Variants in SLC22A24 observed in about 807,000 individuals in gnomAD.
SLC22A24 encodes the protein solute carrier family 22 member 24, also known as steroid transmembrane transporter SLC22A24.
SLC22A24 carries 53 observed loss-of-function variants against 49.8 expected under a neutral mutation model. The ratio of observed to expected loss-of-function variants is 1.06; its 90% CI spans 0.85 to 1.34. The LOEUF is 1.34. Ranked by LOEUF, SLC22A24 falls within the 40% of genes most tolerant of loss-of-function variation. The pLI, the probability that SLC22A24 is intolerant of heterozygous loss-of-function variation, is 0.00. For missense variants in SLC22A24, 786 were observed against 675.9 expected, an observed-to-expected ratio of 1.16 and a Z score of -1.81; for synonymous variants, 302 against 256.4, an observed-to-expected ratio of 1.18 and a Z score of -1.70.
intron 4 of SLC22A24, among the ~76,000 whole-genome samples, chr11:63,106,081 C>T (rs1453576443): frequency 7.8e-6 from 1 of 128,540 alleles, no homozygotes; most frequent in Non-Finnish European, 1.6e-5. Context: ...TCCCTCCCCC[C>T]TCCCCCCACC....
intron 5 of SLC22A24, among the ~76,000 whole-genome samples, chr11:63,099,222 C>T (rs2087074833): frequency 6.6e-6 from 1 of 151,742 alleles, no homozygotes; most frequent in African/African-American, 2.4e-5. Context: ...TTTTGAGTTG[C>T]TGTCTCACTG....
chr11:63,115,290 T>C (rs4963365), intron 4 of SLC22A24, among the ~76,000 whole-genome samples: 120,516 of 152,144 alleles, frequency 0.79, 48,936 homozygotes, highest in East Asian at 0.9. Flanking sequence ...CCTCCCCCCA[T>C]GAGGCTACTG....
chr11:63,087,594 A>G (rs536266635), intron 6 of SLC22A24, among the ~76,000 whole-genome samples: 1 of 152,310 alleles, frequency 6.6e-6, no homozygotes, highest in Non-Finnish European at 1.5e-5. Context: ...CCTCCCCTGG[A>G]AAAGGGGCTG....
intron 6 of SLC22A24, among the ~76,000 whole-genome samples, chr11:63,093,954 G>A (rs186166882): frequency 1.4e-3 from 203 of 148,054 alleles, no homozygotes; most frequent in African/African-American, 4.9e-3. Context: ...GGCAAAATAT[G>A]GAACAACCAA....
chr11:63,142,182 G>T (rs1349122059), intron 1 of SLC22A24, among the ~76,000 whole-genome samples: 1 of 152,162 alleles, frequency 6.6e-6, no homozygotes, highest in Non-Finnish European at 1.5e-5. Flanking sequence ...AGGCCTGCAT[G>T]AATACACTCA....
chr11:63,084,960 G>C (rs1050489760), intron 6 of SLC22A24, among the ~76,000 whole-genome samples: 1 of 149,802 alleles, frequency 6.7e-6, no homozygotes, highest in African/African-American at 2.5e-5. Flanking sequence ...TTTTATTACT[G>C]AGAAGGAGAG....
At chr11:63,125,120 A>C (rs78315854) in intron 2 of SLC22A24, among the ~76,000 whole-genome samples, 1 of 121,318 alleles carries the variant, frequency 8.2e-6, no homozygotes, top group East Asian at 2.7e-4. Context: ...AAAATAAAAA[A>C]AAACAAAAAA....
intron 2 of SLC22A24, among the ~76,000 whole-genome samples, chr11:63,119,909 T>A (rs2134667265): frequency 6.6e-6 from 1 of 152,268 alleles, no homozygotes; most frequent in East Asian, 1.9e-4. Flanking sequence ...TTTGGCTGCA[T>A]AAATGTCTTC....
At position 63,143,850 on chromosome 11, in the gene SLC22A24, G is replaced by T; in HGVS notation, c.-71C>A. 1.6e-6 allele frequency: 2 copies of T among 1,239,558 alleles called. No homozygotes were observed. The highest frequency in any genetic ancestry group is 2.1e-6 in the Non-Finnish European group (2 of 973,156). The allele number at this position is 1,239,558 out of a possible 1,614,324, so 76.8% of individuals were successfully genotyped here. A position where few individuals can be genotyped will look rare whatever the true frequency, so the allele number is the denominator to read the frequency against. ...GAAGAGAAGTTCAGAGGGAGAAAAT[G>T]TCCCCTTTCACAAAGTTACCATAGT... is the stretch of plus-strand genomic sequence containing the variant. On this transcript the variant is annotated 5_prime_UTR_variant, in exon 1 of 10. Transcript: ENST00000612278.
In SLC22A24 at chr11:63,131,617, C is replaced by G. The variant is rs1396790351; in HGVS notation, c.506+3048G>C. Among the ~76,000 whole-genome samples, 4 of 152,308 alleles carry G rather than the reference C, an allele frequency of 2.6e-5. No individual in the cohort carries two copies. The South Asian group carries it at 8.3e-4, about 32-fold the overall frequency. ...GTTGAATATTGGCCCCCAATCTTTT[C>G]TGGCTTGTAGGGTTTCTGCTGAGAG... On this transcript the variant is annotated intron_variant, in intron 2 of 9. Coordinates refer to ENST00000612278, the MANE Select transcript of SLC22A24 (RefSeq NM_001136506.2).
intron 8 of SLC22A24, among the ~76,000 whole-genome samples, 169 bp downstream of exon 8, chr11:63,081,389 C>CTTTGATAA (rs1158106930): frequency 6.6e-6 from 1 of 152,168 alleles, no homozygotes; most frequent in Non-Finnish European, 1.5e-5. Context: ...TAACCCGCAG[C>CTTTGATAA]TTTGATAATT....
At chr11:63,082,159 T>C (rs2135190166) in intron 7 of SLC22A24, among the ~76,000 whole-genome samples, 1 of 152,290 alleles carries the variant, frequency 6.6e-6, no homozygotes, top group African/African-American at 2.4e-5. Context: ...GGGAACAATT[T>C]TAGATATGGG....
chr11:63,079,993 C>G lies in SLC22A24; in HGVS notation c.1606G>C (p.Asp536His). The G allele has an allele frequency of 1.3e-6, 2 of 1,534,062 alleles. No individual in the cohort carries two copies. The highest frequency in any genetic ancestry group is 8.8e-7 in the Non-Finnish European group (1 of 1,131,308). Residue 536 changes from aspartate (D) to histidine (H), a missense_variant, in exon 10 of 10, where the codon GAT becomes CAT. By Grantham distance (81) the Asp-to-His change is moderately conservative. Coordinates refer to ENST00000612278, the MANE Select transcript of SLC22A24 (RefSeq NM_001136506.2). ...TCTTCCTGCTTTATGTTTCTTGAATCTTTTCTGCTGAGAAATAGAAATGCA... is the reference window on the plus strand; with the variant it reads ...TCTTCCTGCTTTATGTTTCTTGAATGTTTTCTGCTGAGAAATAGAAATGCA... ...TIQDVENDRK[D>H]SRNIKQEDTC... is the part of the protein sequence containing the mutation.
chr11:63,100,531 T>C (rs2087084058), intron 5 of SLC22A24, among the ~76,000 whole-genome samples: 1 of 152,046 alleles, frequency 6.6e-6, no homozygotes. Context: ...ATACCAATGA[T>C]ATTCTTCACA....
intron 1 of SLC22A24, among the ~76,000 whole-genome samples, chr11:63,141,133 T>C (rs1379622067): frequency 6.6e-6 from 1 of 152,206 alleles, no homozygotes; most frequent in East Asian, 1.9e-4. Flanking sequence ...AAAAAGTTTA[T>C]AAAAATCTTA....
chr11:63,118,996 C>T lies in SLC22A24; in HGVS notation c.746G>A (p.Gly249Glu), dbSNP rs557698091. 4 of 1,551,762 alleles carry T rather than the reference C, an allele frequency of 2.6e-6. No homozygotes were observed. The African/African-American group carries it at 4.1e-5, about 16-fold the overall frequency. Residue 249 changes from glycine to glutamate, a missense_variant, in exon 4 of 10, where the codon GGA becomes GAA. Gly to Glu is a moderately conservative substitution (Grantham distance 98). Coordinates refer to ENST00000612278, the MANE Select transcript of SLC22A24 (RefSeq NM_001136506.2). Reference sequence around the variant, plus strand: ...GTCCTGAATGGCAAAAGCCAGCCCTCCTAGGAGCATCTGCCCAACACTGTA... The same window carrying T: ...GTCCTGAATGGCAAAAGCCAGCCCTTCTAGGAGCATCTGCCCAACACTGTA... ...CSYSVGQMLLGGLAFAIQDWH... is the reference protein window; with the variant it reads ...CSYSVGQMLLEGLAFAIQDWH...
chr11:63,116,747 C>T (rs2087215633), intron 4 of SLC22A24, among the ~76,000 whole-genome samples: 2 of 152,148 alleles, frequency 1.3e-5, no homozygotes, highest in Non-Finnish European at 2.9e-5. Context: ...TTGATAGAGT[C>T]TCACATGTCC....
chr11:63,087,428 G>T (rs2086994117), intron 6 of SLC22A24, among the ~76,000 whole-genome samples: 1 of 152,220 alleles, frequency 6.6e-6, no homozygotes, highest in South Asian at 2.1e-4. Context: ...GCAATCTGCA[G>T]ATCAGGAGAT....
At chr11:63,128,959 C>T (rs1021632776) in intron 2 of SLC22A24, among the ~76,000 whole-genome samples, 1 of 152,054 alleles carries the variant, frequency 6.6e-6, no homozygotes, top group African/African-American at 2.4e-5. Context: ...ACCCATAGAC[C>T]CTGTAGGGCT....
Sources: allele counts gnomAD v4.1 joint callset (sites outside exome capture counted in the v4.1 genomes callset), GRCh38; gene constraint gnomAD v4.1.1; transcripts MANE v1.5; gene names NCBI Gene and HGNC (gene_info 2026-07-23, HGNC 2026-07-21).